Variants in SPEF2 observed in about 807,000 individuals in gnomAD.
SPEF2 encodes sperm flagella and cilia-associated protein 2.
In SPEF2, 187 loss-of-function variants were observed where a neutral mutation model predicts 224.6. The observed-to-expected ratio is 0.83, with a 90% CI of 0.74 to 0.94. The LOEUF (loss-of-function observed/expected upper bound fraction) is 0.94. Among genes scored for constraint, SPEF2 ranks in the 40% least tolerant of loss-of-function variants. SPEF2 has a pLI of 0.00. For synonymous variants in SPEF2, 715 were observed against 707.3 expected (o/e 1.01, Z -0.17); for missense variants, 2,170 against 2,135.6 (o/e 1.02, Z -0.32).
intron 17 of SPEF2, among the ~76,000 whole-genome samples, chr5:35,705,166 G>C (rs2149577187): frequency 6.6e-6 from 1 of 152,040 alleles, no homozygotes; most frequent in East Asian, 1.9e-4. Flanking sequence ...CTACATTAAG[G>C]CTGTCTACTC....
chr5:35,693,995 A>G (rs894818053), intron 12 of SPEF2, among the ~76,000 whole-genome samples: 4 of 152,204 alleles, frequency 2.6e-5, no homozygotes, highest in Non-Finnish European at 5.9e-5. Flanking sequence ...AGGTTCCACT[A>G]TCTTTTCAAA....
chr5:35,699,498 A>G (rs1324715718), intron 15 of SPEF2: 1 of 152,214 alleles, frequency 6.6e-6, no homozygotes, highest in East Asian at 1.9e-4. Context: ...ACTCACTTGA[A>G]TTTGTGTTAA....
chr5:35,691,083 T>C lies in SPEF2; in HGVS notation c.1571T>C (p.Leu524Ser), dbSNP rs1171747092. 6.2e-7 allele frequency: 1 copy of C among 1,614,108 alleles called. No homozygotes were observed. The highest frequency in any genetic ancestry group is 2.2e-5 in the East Asian group (1 of 44,878). The change falls in exon 11 of 37, where the codon TTA (leucine) becomes TCA (serine). Residue 524 changes from leucine to serine, a missense_variant. Leu to Ser is a moderately radical substitution (Grantham distance 145, BLOSUM62 -2). Coordinates refer to ENST00000356031, the MANE Select transcript of SPEF2 (RefSeq NM_024867.4). The stretch of plus-strand genomic sequence containing the variant: ...TTACCAGAAGAAATGGTTGACAATT[T>C]ACCACCCTCCAACAATTGCATACTG... Reference protein sequence around the residue: ...WALPEEMVDNLPPSNNCILGH... With the variant: ...WALPEEMVDNSPPSNNCILGH...
In SPEF2 at chr5:35,803,021, T is replaced by C. The variant is rs531855319; in HGVS notation, c.5010+2874T>C. Among the ~76,000 whole-genome samples, 3 of 152,308 alleles carry C rather than the reference T, an allele frequency of 2.0e-5. No homozygotes were observed. The South Asian group carries it at 6.2e-4, about 32-fold the overall frequency. ...CTGCTAAATGGTTCCTGCCTTGAGT[T>C]TGGGACACCTTGTTACCCATCTTCA... On this transcript the variant is annotated intron_variant, in intron 34 of 36. Transcript: ENST00000356031.
At chr5:35,795,334 C>T (rs1329286589) in intron 32 of SPEF2, among the ~76,000 whole-genome samples, 1 of 152,174 alleles carries the variant, frequency 6.6e-6, no homozygotes, top group African/African-American at 2.4e-5. Context: ...GGCACAGACT[C>T]CTCCGAAATA....
At chr5:35,658,356 A>G (rs1207734395) in intron 7 of SPEF2, among the ~76,000 whole-genome samples, 1 of 152,192 alleles carries the variant, frequency 6.6e-6, no homozygotes, top group Non-Finnish European at 1.5e-5. Context: ...TAAGATAAGC[A>G]GTAGGTCATT....
At position 35,763,625 on chromosome 5, in the gene SPEF2, G is replaced by A. The variant is rs777747910; in HGVS notation, c.3724G>A (p.Val1242Ile). 6.2e-6 allele frequency: 10 copies of A among 1,613,760 alleles called. No homozygotes were observed. The East Asian group carries it at 6.7e-5, about 11-fold the overall frequency. The part of the protein sequence containing the change: ...KGKMDNSLEN[V>I]ESNFEADEKL... ...CAAGATGGATAACTCCCTAGAAAAC[G>A]TTGAGTCCAACTTTGAGGCCGATGA... The change falls in exon 26 of 37, where the codon GTT becomes ATT. Residue 1242 changes from valine (V) to isoleucine (I), a missense_variant. By Grantham distance (29) the Val-to-Ile change is conservative. Coordinates refer to ENST00000356031, the MANE Select transcript of SPEF2 (RefSeq NM_024867.4).
chr5:35,735,642 C>T (rs1301388754), intron 21 of SPEF2, among the ~76,000 whole-genome samples: 1 of 152,102 alleles, frequency 6.6e-6, no homozygotes, highest in East Asian at 1.9e-4. Context: ...TGTGTAATTC[C>T]CTGAGTGAAT....
intron 24 of SPEF2, among the ~76,000 whole-genome samples, chr5:35,756,236 T>C (rs2149736204): frequency 6.6e-6 from 1 of 152,280 alleles, no homozygotes. Context: ...AGTCACTTAG[T>C]AGCCAATTTC....
intron 11 of SPEF2, among the ~76,000 whole-genome samples, chr5:35,692,163 C>G (rs1754602781): frequency 6.6e-6 from 1 of 152,174 alleles, no homozygotes; most frequent in Admixed American, 6.5e-5. Flanking sequence ...GTAATCCCTG[C>G]ACTTTGGAAG....
intron 30 of SPEF2, chr5:35,790,131 A>G (rs1755752790): frequency 1.4e-6 from 1 of 702,996 alleles, no homozygotes; most frequent in Non-Finnish European, 2.6e-6. Flanking sequence ...CCTTCCTGCA[A>G]GTTCAGCTGA....
At chr5:35,625,868 A>G (rs772692295) in intron 1 of SPEF2, among the ~76,000 whole-genome samples, 5 of 152,210 alleles carry the variant, frequency 3.3e-5, no homozygotes, top group Non-Finnish European at 7.3e-5. Context: ...ACTTTTGCCC[A>G]TTGGAGCAGA....
chr5:35,770,585 C>T (rs892642838), intron 26 of SPEF2, among the ~76,000 whole-genome samples: 1 of 152,100 alleles, frequency 6.6e-6, no homozygotes, highest in Admixed American at 6.6e-5. Context: ...TTTTAAGATT[C>T]TACAAATAAG....
chr5:35,644,221 G>A (rs564623562), intron 3 of SPEF2, 134 bp from the exon 4 acceptor site: 61 of 702,028 alleles, frequency 8.7e-5, no homozygotes, highest in Middle Eastern at 4.3e-4. Context: ...TTGGAATGGG[G>A]TTTGAATTTA....
At chr5:35,705,966 G>A (rs1405570797) in intron 18 of SPEF2, among the ~76,000 whole-genome samples, 158 bp downstream of exon 18, 1 of 134,326 alleles carries the variant, frequency 7.4e-6, no homozygotes, top group Non-Finnish European at 1.6e-5. Context: ...GCTTTCTGTT[G>A]TATATGTTTC....
chr5:35,645,728 A>G (rs1747273722), intron 4 of SPEF2, among the ~76,000 whole-genome samples: 1 of 152,204 alleles, frequency 6.6e-6, no homozygotes, highest in South Asian at 2.1e-4. Flanking sequence ...GAAATATGAT[A>G]CCATTAAATA....
chr5:35,672,859 C>G (rs1751376116), intron 10 of SPEF2, among the ~76,000 whole-genome samples: 1 of 152,110 alleles, frequency 6.6e-6, no homozygotes, highest in East Asian at 1.9e-4. Context: ...AGCCCGTGTT[C>G]TGTTCAAATA....
intron 23 of SPEF2, among the ~76,000 whole-genome samples, chr5:35,751,710 C>A (rs2149723109): frequency 6.6e-6 from 1 of 152,174 alleles, no homozygotes; most frequent in South Asian, 2.1e-4. Flanking sequence ...AATTCAAAAA[C>A]AAAGTATTCC....
At chr5:35,671,446 G>T in intron 10 of SPEF2, 6 of 978,800 alleles carry the variant, frequency 6.1e-6, no homozygotes, top group Non-Finnish European at 7.3e-6. Context: ...GTTTTGTACG[G>T]TTGTAAAATA....
Sources: gnomAD v4.1 joint callset for allele counts (sites outside exome capture counted in the v4.1 genomes callset) on GRCh38, gnomAD v4.1.1 for gene constraint, MANE v1.5 for transcripts, NCBI Gene and HGNC (gene_info 2026-07-23, HGNC 2026-07-21) for gene names.